The following SSX1 variants were observed in gnomAD, a reference collection of about 807,000 sequenced individuals.
The protein encoded by SSX1 is protein SSX1.
In SSX1, 58 loss-of-function variants were observed where a neutral mutation model predicts 14.6. The ratio of observed to expected loss-of-function variants is 3.96; its 90% confidence interval spans 3.21 to 4.93. SSX1 has a LOEUF of 4.93. SSX1 is among the 30% of genes most tolerant of loss of function. The pLI, the probability that SSX1 is intolerant of heterozygous loss-of-function variation, is 0.00. For synonymous variants in SSX1, 46 were observed against 52.1 expected (o/e 0.88, Z 0.50); for missense variants, 272 against 143.1 (o/e 1.90, Z -4.60).
In SSX1 at chrX:48,263,804, A is replaced by G; in HGVS notation, c.353A>G (p.Glu118Gly). 1 of 1,212,025 alleles carries G rather than the reference A, an allele frequency of 8.3e-7. No individual in the cohort carries two copies. The highest frequency in any genetic ancestry group is 1.1e-6 in the Non-Finnish European group (1 of 895,468). Residue 118 changes from glutamate (E) to glycine (G), a missense_variant, in exon 6 of 8, where the codon GAG becomes GGG. Physicochemically the swap from Glu to Gly is moderately conservative, Grantham distance 98 (BLOSUM62 -2). Transcript: ENST00000376919. The part of the protein sequence containing the change: ...IPKIMPKKPA[E>G]DENDSKGVSE... Reference sequence around the variant, plus strand: ...AAGATCATGCCCAAGAAGCCAGCAGAGGACGAAAATGATTCGAAGGGAGTG... The same window carrying G: ...AAGATCATGCCCAAGAAGCCAGCAGGGGACGAAAATGATTCGAAGGGAGTG...
chrX:48,258,637 T>A lies in SSX1; in HGVS notation c.280+6T>A. 4.2e-6 allele frequency: 5 copies of A among 1,181,506 alleles called. No homozygotes were observed. The highest frequency in any genetic ancestry group is 5.7e-6 in the Non-Finnish European group (5 of 870,585). On this transcript the variant is annotated splice_donor_region_variant and intron_variant, in intron 4 of 7. Coordinates refer to ENST00000376919, the MANE Select transcript of SSX1 (RefSeq NM_005635.4). ...CCATAACCGCAGGATTCAGGGTGAGTAGATGGGAAGTGGCTGGAAAGGTCT... is the reference window on the plus strand; with the variant it reads ...CCATAACCGCAGGATTCAGGGTGAGAAGATGGGAAGTGGCTGGAAAGGTCT...
chrX:48,261,892 A>T (rs2059605356), intron 5 of SSX1, 77 bp downstream of exon 5: 1 of 1,126,298 alleles, frequency 8.9e-7, no homozygotes, highest in African/African-American at 1.8e-5. Flanking sequence ...GACAGGGAGA[A>T]TATCAAAAAC....
At position 48,267,022 on chromosome X, in the gene SSX1, T is replaced by G. The variant is rs1320501861; in HGVS notation, c.*173T>G. On this transcript the variant is annotated 3_prime_UTR_variant, in exon 8 of 8. Coordinates refer to ENST00000376919, the MANE Select transcript of SSX1 (RefSeq NM_005635.4). The stretch of plus-strand genomic sequence containing the variant: ...TTCTTAGTGTGCCAAGAGTTCGATG[T>G]TAGTGTTTCCATTGTATTTTCTTAC... The G allele has an allele frequency of 3.7e-6, 2 of 539,269 alleles. No homozygotes were observed. Among genetic ancestry groups the G allele is most frequent in the Non-Finnish European group, 6.3e-6 (2 of 319,302 alleles). The allele number at this position is 539,269 out of a possible 1,213,427, so 44.4% of individuals were successfully genotyped here.
At chrX:48,263,981 T>G (rs1556936013) in intron 6 of SSX1, 64 bp downstream of exon 6, 1 of 1,173,692 alleles carries the variant, frequency 8.5e-7, no homozygotes, top group East Asian at 3.0e-5. Context: ...GTGTGTGGAC[T>G]GGGTGTGTGG....
intron 4 of SSX1, among the ~76,000 whole-genome samples, chrX:48,261,179 G>C (rs1371508944): frequency 1.8e-5 from 2 of 112,185 alleles, no homozygotes; most frequent in African/African-American, 6.5e-5. Context: ...GACAAGGTCA[G>C]AGTGTCTAAA....
rs1422534107 is a variant in SSX1 at position 48,257,636 on chromosome X, G to C, written c.70-110G>C. 2.2e-5 allele frequency: 25 copies of C among 1,147,989 alleles called. No individual in the cohort carries two copies. The African/African-American group carries it at 3.6e-4, about 17-fold the overall frequency. The allele number at this position is 1,147,989 out of a possible 1,213,427, so 94.6% of individuals were successfully genotyped here. ...TCTCAGTTAGCCATGGCATCAACCA[G>C]GACGGATTATCATCCTCACTTCCCA... On this transcript the variant is annotated intron_variant, in intron 2 of 7. Transcript: ENST00000376919.
chrX:48,262,041 T>G (rs1210054499), intron 5 of SSX1, among the ~76,000 whole-genome samples: 1 of 112,176 alleles, frequency 8.9e-6, no homozygotes. Context: ...GCAGTTCACA[T>G]GGATTAATTA....
intron 5 of SSX1, among the ~76,000 whole-genome samples, chrX:48,263,546 C>T (rs138798135): frequency 5.4e-5 from 6 of 111,572 alleles, no homozygotes; most frequent in African/African-American, 2.0e-4. Context: ...GCTGTTTCCA[C>T]GAATGTCAGT....
intron 2 of SSX1, 77 bp from the exon 3 acceptor site, chrX:48,257,669 C>G (rs1356793838): frequency 1.8e-6 from 2 of 1,135,495 alleles, no homozygotes; most frequent in African/African-American, 3.6e-5. Flanking sequence ...CCAGATCCAG[C>G]ACACAGGAAG....
At chrX:48,265,978 A>G (rs782409984) in intron 6 of SSX1, among the ~76,000 whole-genome samples, 2 of 112,057 alleles carry the variant, frequency 1.8e-5, no homozygotes, top group East Asian at 5.6e-4. Flanking sequence ...AAAACAAGGT[A>G]TGCCTGTGTG....
intron 1 of SSX1, among the ~76,000 whole-genome samples, chrX:48,256,315 A>AT (rs1320843072): frequency 9.5e-6 from 1 of 104,773 alleles, no homozygotes; most frequent in African/African-American, 3.5e-5. Flanking sequence ...ATTTTATTTT[A>AT]TTTTTTTTAG....
At chrX:48,258,761 TACAG>T (rs1259895116) in intron 4 of SSX1, 130 bp downstream of exon 4, 89 of 489,087 alleles carry the variant, frequency 1.8e-4, no homozygotes, top group Non-Finnish European at 3.0e-4. Context: ...AAAAATTGCA[TACAG>T]AAAGTTAACT....
intron 4 of SSX1, among the ~76,000 whole-genome samples, chrX:48,259,354 G>A (rs1556935114): frequency 2.7e-5 from 3 of 111,956 alleles, no homozygotes; most frequent in Non-Finnish European, 5.6e-5. Context: ...TAGTCATGGG[G>A]TAATGTTGAG....
intron 4 of SSX1, among the ~76,000 whole-genome samples, chrX:48,261,517 G>A (rs782099043): frequency 8.0e-5 from 9 of 112,211 alleles, no homozygotes; most frequent in Non-Finnish European, 1.3e-4. Context: ...GATATGTAAT[G>A]GAATAAGATG....
chrX:48,258,877 A>G (rs1163715957), intron 4 of SSX1, among the ~76,000 whole-genome samples: 2 of 111,865 alleles, frequency 1.8e-5, no homozygotes, highest in Admixed American at 9.5e-5. Context: ...GCGAATAAAA[A>G]GGCATCAGAT....
intron 4 of SSX1, among the ~76,000 whole-genome samples, chrX:48,259,755 T>C (rs1181526348): frequency 9.2e-6 from 1 of 109,235 alleles, no homozygotes; most frequent in African/African-American, 3.3e-5. Flanking sequence ...TCCAATTTCA[T>C]CCATGTCCCT....
intron 5 of SSX1, among the ~76,000 whole-genome samples, 164 bp from the exon 6 acceptor site, chrX:48,263,618 T>C (rs1159508383): frequency 9.0e-6 from 1 of 111,695 alleles, no homozygotes; most frequent in Non-Finnish European, 1.9e-5. Flanking sequence ...AGGCCATTCC[T>C]TTTGCTTCTA....
At chrX:48,264,428 G>A (rs1177221666) in intron 6 of SSX1, among the ~76,000 whole-genome samples, 2 of 112,482 alleles carry the variant, frequency 1.8e-5, no homozygotes, top group Admixed American at 9.4e-5. Flanking sequence ...TTACACTATA[G>A]TGTACTCTAC....
rs374281371 is a variant in SSX1 at position 48,261,756 on chromosome X, T to G, written c.281-10T>G. 5.0e-6 allele frequency: 6 copies of G among 1,209,271 alleles called. No homozygotes were observed. The highest frequency in any genetic ancestry group is 6.7e-6 in the Non-Finnish European group (6 of 894,491). On this transcript the variant is annotated splice_polypyrimidine_tract_variant and intron_variant, in intron 4 of 7. Transcript: ENST00000376919. ...CCAACAAAGAAAAATTCTGATGTGT[T>G]CTCTTTCAGTTGAACATCCTCAGAT...
Sources: gnomAD v4.1 joint callset for allele counts (sites outside exome capture counted in the v4.1 genomes callset) on GRCh38, gnomAD v4.1.1 for gene constraint, MANE v1.5 for transcripts, NCBI Gene and HGNC (gene_info 2026-07-23, HGNC 2026-07-21) for gene names.